SFSWAP: variants seen among roughly 807,000 people sequenced by gnomAD.
SFSWAP encodes the protein splicing factor SWAP.
In SFSWAP, 17 loss-of-function variants were observed where a neutral mutation model predicts 100.7. The observed-to-expected ratio is 0.17, with a 90% CI of 0.12 to 0.25. The LOEUF (loss-of-function observed/expected upper bound fraction) is 0.25, where lower values mean the gene tolerates loss of function less well. SFSWAP is among the 10% of genes least tolerant of loss of function. The probability of loss-of-function intolerance (pLI) is 1.00; values close to 1 mark genes in which losing one functional copy is unlikely to be tolerated. For synonymous variants in SFSWAP, 504 were observed against 510.1 expected, an observed-to-expected ratio of 0.99 and a Z score of 0.16; for missense variants, 1,005 against 1,262.6, an observed-to-expected ratio of 0.80 and a Z score of 3.09.
chr12:131,798,428 G>A (rs764581582), intron 16 of SFSWAP, among the ~76,000 whole-genome samples: 11 of 152,206 alleles, frequency 7.2e-5, no homozygotes, highest in African/African-American at 1.9e-4. Context: ...AGCCAAGGCC[G>A]TGGTTCTGGG....
At chr12:131,762,688 C>T (rs1882776559) in intron 11 of SFSWAP, among the ~76,000 whole-genome samples, 1 of 152,134 alleles carries the variant, frequency 6.6e-6, no homozygotes, top group African/African-American at 2.4e-5. Context: ...TCTGCCTCTG[C>T]CTCCCGGGTT....
intron 7 of SFSWAP, among the ~76,000 whole-genome samples, chr12:131,747,103 CAA>C (rs398021689): frequency 2.7e-4 from 26 of 96,808 alleles, no homozygotes; most frequent in South Asian, 1.1e-3. Context: ...GACTCTGTCT[CAA>C]AAAAAAAAAA....
At chr12:131,782,862 G>A (rs111487916) in intron 14 of SFSWAP, among the ~76,000 whole-genome samples, 214 of 152,168 alleles carry the variant, frequency 1.4e-3, no homozygotes, top group Middle Eastern at 3.4e-3. Context: ...TACTAGTTAC[G>A]ACAAGGTAGT....
chr12:131,775,123 C>A (rs1883910163), intron 13 of SFSWAP, among the ~76,000 whole-genome samples: 1 of 152,314 alleles, frequency 6.6e-6, no homozygotes, highest in South Asian at 2.1e-4. Flanking sequence ...TAACACAGCG[C>A]CTTACCAATC....
intron 7 of SFSWAP, among the ~76,000 whole-genome samples, chr12:131,738,270 G>T (rs1880231628): frequency 6.6e-6 from 1 of 152,018 alleles, no homozygotes; most frequent in South Asian, 2.1e-4. Context: ...TGGTTTTATT[G>T]TATGTCAAGA....
At chr12:131,769,762 G>A (rs1032523210) in intron 13 of SFSWAP, among the ~76,000 whole-genome samples, 1 of 152,152 alleles carries the variant, frequency 6.6e-6, no homozygotes. Context: ...GAGTAGCTGG[G>A]ACTACAGGCA....
In SFSWAP at chr12:131,725,260, G is replaced by A. The variant is rs1593115037; in HGVS notation, c.607-145G>A. The stretch of plus-strand genomic sequence containing the variant: ...GTCAAGATTTGGAGATGAGGAGTCC[G>A]AACAGCCTGGGCTCTTCCAGCTTAA... On this transcript the variant is annotated intron_variant, in intron 4 of 17. Transcript: ENST00000261674. The surrounding 1 kb of genome is among the most constrained non-coding windows in gnomAD (Gnocchi z 4.3). The A allele has an allele frequency of 6.9e-6, 5 of 722,382 alleles. No individual in the cohort carries two copies. Among genetic ancestry groups the A allele is most frequent in the African/African-American group, 3.5e-5 (2 of 56,952 alleles). 44.7% of individuals were successfully genotyped at this position (722,382 alleles called of 1,614,324 possible). A position where few individuals can be genotyped will look rare whatever the true frequency, so the allele number is the denominator to read the frequency against.
intron 13 of SFSWAP, among the ~76,000 whole-genome samples, chr12:131,773,305 A>C (rs978931592): frequency 3.3e-5 from 5 of 152,182 alleles, no homozygotes; most frequent in Non-Finnish European, 5.9e-5. Context: ...ACATAGTAGC[A>C]ACAGACTGCA....
chr12:131,720,428 T>C (rs1878360641), intron 4 of SFSWAP, among the ~76,000 whole-genome samples: 1 of 152,250 alleles, frequency 6.6e-6, no homozygotes, highest in African/African-American at 2.4e-5. Flanking sequence ...TTTATATGTT[T>C]ACTGGGAAGG....
At chr12:131,796,428 G>A (rs908923794) in intron 15 of SFSWAP, 1 of 152,538 alleles carries the variant, frequency 6.6e-6, no homozygotes, top group African/African-American at 2.4e-5. Flanking sequence ...AGCATTTCTG[G>A]TGCGGGATTG....
At chr12:131,755,566 A>C (rs745971146) in intron 10 of SFSWAP, 87 bp downstream of exon 10, 56 of 903,316 alleles carry the variant, frequency 6.2e-5, no homozygotes, top group Non-Finnish European at 9.1e-5. Flanking sequence ...TTCTTCTCCT[A>C]CAGGTGAAAG....
At chr12:131,766,476 A>G (rs1358067167) in intron 13 of SFSWAP, among the ~76,000 whole-genome samples, 168 bp downstream of exon 13, 1 of 152,166 alleles carries the variant, frequency 6.6e-6, no homozygotes, top group East Asian at 1.9e-4. Flanking sequence ...CAGTGAATCT[A>G]AGAGTTTGCC....
chr12:131,739,052 T>C (rs903721653), intron 7 of SFSWAP, among the ~76,000 whole-genome samples: 6 of 151,690 alleles, frequency 4.0e-5, no homozygotes, highest in African/African-American at 1.5e-4. Context: ...GCTGACTTTT[T>C]AGATAAATTT....
intron 1 of SFSWAP, chr12:131,713,536 G>A (rs1877590110): frequency 6.6e-6 from 1 of 152,332 alleles, no homozygotes; most frequent in African/African-American, 2.4e-5. Context: ...TAGGGGGCGA[G>A]CCTAGCCAAG....
At chr12:131,738,347 C>G (rs967671828) in intron 7 of SFSWAP, among the ~76,000 whole-genome samples, 1 of 152,152 alleles carries the variant, frequency 6.6e-6, no homozygotes, top group Non-Finnish European at 1.5e-5. Context: ...TAGTGAACAT[C>G]ATTAGCAAAG....
At chr12:131,791,506 A>G (rs1274031614) in intron 15 of SFSWAP, among the ~76,000 whole-genome samples, 1 of 152,134 alleles carries the variant, frequency 6.6e-6, no homozygotes, top group Non-Finnish European at 1.5e-5. Flanking sequence ...TAATCCCAGC[A>G]CTTCAGGAGG....
intron 13 of SFSWAP, among the ~76,000 whole-genome samples, chr12:131,775,045 G>A (rs1018299949): frequency 2.0e-5 from 3 of 152,148 alleles, no homozygotes; most frequent in Non-Finnish European, 2.9e-5. Context: ...ATGGCGTCTC[G>A]CGCCCGTTTG....
Position 131,740,966 on chromosome 12 carries a change from C to CTTTTTTTTTTTTTTTTTTTTTTTT in SFSWAP, c.1082-12156_1082-12133dup. On this transcript the variant is annotated intron_variant, in intron 7 of 17. Coordinates refer to ENST00000261674, the MANE Select transcript of SFSWAP (RefSeq NM_004592.4). Reference sequence around the variant, plus strand: ...TCATTTCTTTTTTTTTCTTTTTTTTCTTTTTTTTTTTTTTTTTTTTTTTTG... The same window carrying CTTTTTTTTTTTTTTTTTTTTTTTT: ...TCATTTCTTTTTTTTTCTTTTTTTTCTTTTTTTTTTTTTTTTTTTTTTTTTTTTTTTTTTTTTTTTTTTTTTTTG... Among the ~76,000 whole-genome samples the CTTTTTTTTTTTTTTTTTTTTTTTT allele has an allele frequency of 8.4e-3, 587 of 70,166 alleles. 5 individuals are homozygous for CTTTTTTTTTTTTTTTTTTTTTTTT. The highest frequency in any genetic ancestry group is 0.011 in the African/African-American group (183 of 17,140). 46.0% of individuals were successfully genotyped at this position (70,166 alleles called of 152,430 possible). A position where few individuals can be genotyped will look rare whatever the true frequency, so the allele number is the denominator to read the frequency against.
At chr12:131,785,617 GC>G (rs1884835742) in intron 14 of SFSWAP, 1 of 166,456 alleles carries the variant, frequency 6.0e-6, no homozygotes, top group African/African-American at 2.4e-5. Flanking sequence ...TCGCTAAGGG[GC>G]CTCCACTAAA....
Sources: gnomAD v4.1 joint callset for allele counts (sites outside exome capture counted in the v4.1 genomes callset) on GRCh38, gnomAD v4.1.1 for gene constraint, Gnocchi (gnomAD v3.1) non-coding constraint, MANE v1.5 for transcripts, NCBI Gene and HGNC (gene_info 2026-07-23, HGNC 2026-07-21) for gene names.